Variants in CFAP52 observed in about 807,000 individuals in gnomAD.
The protein encoded by CFAP52 is cilia- and flagella-associated protein 52.
Under a neutral mutation model 70.5 loss-of-function variants are expected in CFAP52, and 57 were observed. That is an observed-to-expected ratio of 0.81 (90% CI 0.65 to 1.01). The LOEUF (loss-of-function observed/expected upper bound fraction) is 1.01. CFAP52 is among the 50% of genes least tolerant of loss of function. The probability of loss-of-function intolerance (pLI) is 0.00; values close to 1 mark genes in which losing one functional copy is unlikely to be tolerated. For synonymous variants in CFAP52, 267 were observed against 292.5 expected (o/e 0.91, Z 0.89); for missense variants, 785 against 788.5 (o/e 1.00, Z 0.05).
intron 1 of CFAP52, among the ~76,000 whole-genome samples, chr17:9,585,374 T>C (rs1238106791): frequency 1.3e-5 from 2 of 152,164 alleles, no homozygotes; most frequent in Non-Finnish European, 2.9e-5. Flanking sequence ...CTAAGGCTTA[T>C]TTTTAAAGTG....
intron 1 of CFAP52, chr17:9,584,332 G>A (rs757291790): frequency 2.0e-5 from 26 of 1,290,494 alleles, no homozygotes; most frequent in Middle Eastern, 2.1e-4. Context: ...TGTGGAAAGA[G>A]GTGTCACCAT....
At chr17:9,586,928 A>G in intron 3 of CFAP52, 94 bp downstream of exon 3, 1 of 1,364,802 alleles carries the variant, frequency 7.3e-7, no homozygotes, top group African/African-American at 1.5e-5. Context: ...ATATAGGTAA[A>G]CTTATGTCAC....
chr17:9,603,558 A>G (rs545800983), intron 6 of CFAP52, among the ~76,000 whole-genome samples: 140 of 152,338 alleles, frequency 9.2e-4, no homozygotes, highest in African/African-American at 3.0e-3. Context: ...TATTGTCACG[A>G]TATGAGTTCT....
intron 8 of CFAP52, among the ~76,000 whole-genome samples, chr17:9,616,754 G>A (rs924706062): frequency 5.9e-5 from 8 of 136,284 alleles, no homozygotes; most frequent in African/African-American, 2.9e-5. Flanking sequence ...CACCTCACAC[G>A]GCAGGGTATT....
intron 6 of CFAP52, among the ~76,000 whole-genome samples, chr17:9,602,722 A>C (rs1036467340): frequency 2.0e-5 from 3 of 152,010 alleles, no homozygotes; most frequent in African/African-American, 4.8e-5. Flanking sequence ...ACTAATTTAC[A>C]CTCCCACCAA....
chr17:9,594,717 T>G (rs1232650114), intron 4 of CFAP52, among the ~76,000 whole-genome samples: 2 of 152,146 alleles, frequency 1.3e-5, no homozygotes, highest in Admixed American at 6.5e-5. Flanking sequence ...GCCAGGAAGT[T>G]TCAAATGGTT....
At chr17:9,595,590 T>C (rs1270557725) in intron 4 of CFAP52, among the ~76,000 whole-genome samples, 1 of 152,154 alleles carries the variant, frequency 6.6e-6, no homozygotes, top group East Asian at 1.9e-4. Flanking sequence ...CAGCAGGCAT[T>C]GGTCCATTCT....
chr17:9,631,082 G>A (rs201082194), intron 9 of CFAP52, among the ~76,000 whole-genome samples: 3 of 49,054 alleles, frequency 6.1e-5, no homozygotes, highest in African/African-American at 1.3e-4. Flanking sequence ...AAGAAAGAAA[G>A]AGAAAGAAAG....
At position 9,614,678 on chromosome 17, in the gene CFAP52, C is replaced by T. The variant is rs901801323; in HGVS notation, c.1025+2199C>T. On this transcript the variant is annotated intron_variant, in intron 8 of 13. Coordinates refer to ENST00000352665, the MANE Select transcript of CFAP52 (RefSeq NM_145054.5). ...AATTAGGCCAGGATTTCTCAACCTC[C>T]GCACTATTGACATTTTGAGTTAGAT... is the stretch of plus-strand genomic sequence containing the variant. Among the ~76,000 whole-genome samples the T allele has an allele frequency of 5.3e-5, 8 of 152,144 alleles. No individual in the cohort carries two copies. In the East Asian group the frequency reaches 5.8e-4, roughly 11 times the overall value.
downstream of CFAP52, among the ~76,000 whole-genome samples, chr17:9,643,958 G>A (rs1344874950): frequency 6.6e-6 from 1 of 152,204 alleles, no homozygotes; most frequent in Non-Finnish European, 1.5e-5. Context: ...TTTTTCCAGA[G>A]AGGGGTAAAT....
intron 1 of CFAP52, among the ~76,000 whole-genome samples, chr17:9,584,875 G>A (rs1040928732): frequency 3.3e-5 from 5 of 151,942 alleles, no homozygotes; most frequent in African/African-American, 9.7e-5. Context: ...CGCCTGCCTC[G>A]GCCTCCCAAG....
chr17:9,584,477 ATGTGTTGATAGACATATACATTG>A, intron 1 of CFAP52: 1 of 764,848 alleles, frequency 1.3e-6, no homozygotes, highest in Non-Finnish European at 1.8e-6. Flanking sequence ...GTATAACACA[ATGTGTTGATAGACATATACATTG>A]TGAAATGATG....
intron 6 of CFAP52, among the ~76,000 whole-genome samples, 199 bp from the exon 7 acceptor site, chr17:9,607,920 T>C (rs750220831): frequency 1.3e-5 from 2 of 152,136 alleles, no homozygotes; most frequent in Non-Finnish European, 2.9e-5. Flanking sequence ...CTCCAGGCAA[T>C]GTGTGCAGCA....
At chr17:9,639,053 C>T (rs930066218) in intron 12 of CFAP52, 14 of 236,328 alleles carry the variant, frequency 5.9e-5, no homozygotes, top group South Asian at 9.0e-5. Flanking sequence ...GTGCCCAAAC[C>T]GGTTATCACT....
Position 9,628,832 on chromosome 17 carries a change from A to T in CFAP52, c.1174+12A>T, listed in dbSNP as rs746074979. Reference sequence around the variant, plus strand: ...AAGCATCATTTCAGGTAACGTCCACATGTCAAGATCTGGCTTGGGGCTCTA... The same window carrying T: ...AAGCATCATTTCAGGTAACGTCCACTTGTCAAGATCTGGCTTGGGGCTCTA... On this transcript the variant is annotated intron_variant, in intron 9 of 13. Coordinates refer to ENST00000352665, the MANE Select transcript of CFAP52 (RefSeq NM_145054.5). The T allele has an allele frequency of 5.6e-6, 9 of 1,613,768 alleles. No homozygotes were observed. In the African/African-American group the frequency reaches 1.1e-4, roughly 19 times the overall value.
intron 6 of CFAP52, among the ~76,000 whole-genome samples, chr17:9,601,940 T>C (rs984665943): frequency 3.3e-5 from 5 of 152,212 alleles, no homozygotes; most frequent in Non-Finnish European, 7.3e-5. Flanking sequence ...AATACTGCAC[T>C]GTGTTCCTGG....
rs761710255 is a variant in CFAP52 at position 9,635,409 on chromosome 17, G to A, written c.1325G>A (p.Arg442Lys). 6.2e-7 allele frequency: 1 copy of A among 1,614,044 alleles called. No individual in the cohort carries two copies. The highest frequency in any genetic ancestry group is 1.7e-5 in the Admixed American group (1 of 60,022). ...CCTGTGCTCTGTGGCTTTCAGGTGAGGGTATGGCAGATAGGCTGTCAGACC... is the reference window on the plus strand; with the variant it reads ...CCTGTGCTCTGTGGCTTTCAGGTGAAGGTATGGCAGATAGGCTGTCAGACC... ...VISGGGEGEV[R>K]VWQIGCQTQK... The change falls in exon 11 of 14, where the codon AGG becomes AAG. Residue 442 changes from arginine to lysine, a missense_variant. Transcript: ENST00000352665.
intron 6 of CFAP52, among the ~76,000 whole-genome samples, chr17:9,602,532 G>A (rs189259465): frequency 7.2e-5 from 11 of 152,266 alleles, no homozygotes; most frequent in Admixed American, 2.6e-4. Context: ...ATCATTGATG[G>A]ACATTTGGGT....
At chr17:9,598,848 A>G (rs758238677) in intron 5 of CFAP52, among the ~76,000 whole-genome samples, 1 of 152,024 alleles carries the variant, frequency 6.6e-6, no homozygotes, top group Non-Finnish European at 1.5e-5. Flanking sequence ...AGCACAGGTA[A>G]ACCTTGTTTT....
Sources: allele counts gnomAD v4.1 joint callset (sites outside exome capture counted in the v4.1 genomes callset), GRCh38; gene constraint gnomAD v4.1.1; transcripts MANE v1.5; gene names NCBI Gene and HGNC (gene_info 2026-07-23, HGNC 2026-07-21).